Variants in MB21D2 observed in about 807,000 individuals in gnomAD.
MB21D2 encodes Mab-21 domain containing 2.
In MB21D2, 9 loss-of-function variants were observed where a neutral mutation model predicts 33.3. That is an observed-to-expected ratio of 0.27 (90% CI 0.16 to 0.47). MB21D2 has a LOEUF of 0.47. Among genes scored for constraint, MB21D2 ranks in the 20% least tolerant of loss-of-function variants. MB21D2 has a pLI of 0.99. For synonymous variants in MB21D2, 241 were observed against 236.3 expected, an observed-to-expected ratio of 1.02 and a Z score of -0.18; for missense variants, 540 against 624.6, an observed-to-expected ratio of 0.86 and a Z score of 1.44.
At chr3:192,897,976 T>A (rs950133454) in intron 1 of MB21D2, among the ~76,000 whole-genome samples, 5 of 151,512 alleles carry the variant, frequency 3.3e-5, no homozygotes, top group African/African-American at 7.3e-5. Context: ...AAAAAAATTT[T>A]AAAAATAAAG....
At chr3:192,871,364 T>C (rs1260267622) in intron 1 of MB21D2, among the ~76,000 whole-genome samples, 1 of 152,220 alleles carries the variant, frequency 6.6e-6, no homozygotes, top group East Asian at 1.9e-4. Flanking sequence ...AATGTGGCCC[T>C]TGTATATACT....
intron 1 of MB21D2, among the ~76,000 whole-genome samples, chr3:192,801,889 AT>A (rs1395076229): frequency 6.6e-6 from 1 of 152,230 alleles, no homozygotes; most frequent in Admixed American, 6.5e-5. Flanking sequence ...AAAGTCTTTT[AT>A]TTAGTACAAT....
chr3:192,811,664 C>T (rs992502116), intron 1 of MB21D2, among the ~76,000 whole-genome samples: 3 of 152,200 alleles, frequency 2.0e-5, no homozygotes, highest in African/African-American at 7.2e-5. Context: ...CAATTCTCCT[C>T]ACTTCCCAAG....
intron 1 of MB21D2, among the ~76,000 whole-genome samples, chr3:192,871,347 T>G (rs1713292058): frequency 6.6e-6 from 1 of 152,212 alleles, no homozygotes; most frequent in Non-Finnish European, 1.5e-5. Flanking sequence ...AGATTACTTA[T>G]GCCAAAAATG....
At chr3:192,847,961 G>A (rs759231359) in intron 1 of MB21D2, among the ~76,000 whole-genome samples, 1 of 152,150 alleles carries the variant, frequency 6.6e-6, no homozygotes, top group African/African-American at 2.4e-5. Flanking sequence ...AACTGTACAT[G>A]CTCAAAAATA....
At chr3:192,852,252 C>T (rs1192447438) in intron 1 of MB21D2, among the ~76,000 whole-genome samples, 1 of 152,170 alleles carries the variant, frequency 6.6e-6, no homozygotes, top group Non-Finnish European at 1.5e-5. Context: ...AAATGCAGAC[C>T]TATTTGTATG....
At chr3:192,887,336 T>C (rs1272223320) in intron 1 of MB21D2, among the ~76,000 whole-genome samples, 2 of 152,096 alleles carry the variant, frequency 1.3e-5, no homozygotes, top group African/African-American at 4.8e-5. Flanking sequence ...GAAAATGGTA[T>C]GTTCAAAAGG....
chr3:192,834,757 T>C (rs1055204531), intron 1 of MB21D2, among the ~76,000 whole-genome samples: 8 of 151,940 alleles, frequency 5.3e-5, no homozygotes, highest in Non-Finnish European at 7.4e-5. Context: ...GTTCCTTGAA[T>C]TGCGCAGACA....
At chr3:192,858,340 T>G (rs893870175) in intron 1 of MB21D2, among the ~76,000 whole-genome samples, 15 of 152,196 alleles carry the variant, frequency 9.9e-5, no homozygotes, top group Non-Finnish European at 2.2e-4. Flanking sequence ...CAACCCCATG[T>G]CACCAGCACC....
intron 1 of MB21D2, among the ~76,000 whole-genome samples, chr3:192,867,466 G>A (rs1456789185): frequency 6.6e-6 from 1 of 152,186 alleles, no homozygotes; most frequent in East Asian, 1.9e-4. Context: ...CAGAGCAAAA[G>A]GAGAAGGTAG....
intron 1 of MB21D2, among the ~76,000 whole-genome samples, chr3:192,916,098 T>TTTTATATATA (rs111341877): frequency 7.2e-6 from 1 of 139,176 alleles, no homozygotes; most frequent in African/African-American, 2.8e-5. Context: ...CTACCAGGTT[T>TTTTATATATA]TATATATATA....
chr3:192,869,468 G>A (rs543785724), intron 1 of MB21D2, among the ~76,000 whole-genome samples: 26 of 152,230 alleles, frequency 1.7e-4, no homozygotes, highest in African/African-American at 6.0e-4. Context: ...GGCTCCAGCC[G>A]AGGCCTGATG....
chr3:192,889,409 C>T (rs1180133515), intron 1 of MB21D2, among the ~76,000 whole-genome samples: 23 of 152,108 alleles, frequency 1.5e-4, no homozygotes, highest in Admixed American at 1.4e-3. Context: ...ATTCAATGGG[C>T]TGCTTATTAC....
intron 1 of MB21D2, among the ~76,000 whole-genome samples, chr3:192,850,952 C>T (rs1712789503): frequency 2.6e-5 from 4 of 152,130 alleles, no homozygotes; most frequent in South Asian, 4.1e-4. Flanking sequence ...AGAGCACAGA[C>T]TCTGCAGTTA....
intron 1 of MB21D2, among the ~76,000 whole-genome samples, chr3:192,855,757 A>C (rs1712902355): frequency 6.6e-6 from 1 of 152,330 alleles, no homozygotes; most frequent in Middle Eastern, 3.4e-3. Context: ...ACAGGATAGA[A>C]AATGAAGCTT....
chr3:192,869,200 G>C (rs1462499138), intron 1 of MB21D2, among the ~76,000 whole-genome samples: 4 of 149,232 alleles, frequency 2.7e-5, no homozygotes, highest in Non-Finnish European at 5.9e-5. Context: ...AGACTGCAGT[G>C]AGCCAAGATG....
intron 1 of MB21D2, among the ~76,000 whole-genome samples, chr3:192,823,712 A>G (rs568459019): frequency 6.6e-6 from 1 of 152,274 alleles, no homozygotes; most frequent in East Asian, 1.9e-4. Flanking sequence ...GAAAAAGAAT[A>G]CTTATGGCTA....
intron 1 of MB21D2, among the ~76,000 whole-genome samples, chr3:192,877,258 A>G (rs761625483): frequency 2.2e-4 from 34 of 152,342 alleles, no homozygotes; most frequent in African/African-American, 5.5e-4. Context: ...TGTTGTATTT[A>G]AACTGTATTA....
intron 1 of MB21D2, among the ~76,000 whole-genome samples, chr3:192,856,668 C>T (rs1712925254): frequency 6.6e-6 from 1 of 152,176 alleles, no homozygotes; most frequent in Non-Finnish European, 1.5e-5. Context: ...ATCCCCCTAC[C>T]TCAGCCTCCG....
Sources: gnomAD v4.1 joint callset for allele counts (sites outside exome capture counted in the v4.1 genomes callset) on GRCh38, gnomAD v4.1.1 for gene constraint, MANE v1.5 for transcripts, NCBI Gene and HGNC (gene_info 2026-07-23, HGNC 2026-07-21) for gene names.